TANK: variants seen among roughly 807,000 people sequenced by gnomAD.
The protein encoded by TANK is TRAF family member-associated NF-kappa-B activator.
A neutral mutation model predicts 43.6 loss-of-function variants in TANK; 15 were observed. The ratio of observed to expected loss-of-function variants is 0.34; its 90% CI spans 0.23 to 0.53. TANK has a LOEUF of 0.53. Ranked by LOEUF, TANK falls within the 20% of genes least tolerant of loss-of-function variation. TANK has a pLI of 0.94. For synonymous variants in TANK, 162 were observed against 178.2 expected, an observed-to-expected ratio of 0.91 and a Z score of 0.73; for missense variants, 417 against 498.6, an observed-to-expected ratio of 0.84 and a Z score of 1.56.
intron 4 of TANK, chr2:161,212,375 TAAG>T: frequency 1.0e-6 from 1 of 984,848 alleles, no homozygotes; most frequent in Non-Finnish European, 1.2e-6. Context: ...CACAAACTCT[TAAG>T]AAAACAAATA....
chr2:161,157,190 AC>A (rs1490749295), upstream of TANK, among the ~76,000 whole-genome samples: 2 of 152,170 alleles, frequency 1.3e-5, no homozygotes, highest in Non-Finnish European at 2.9e-5. Context: ...TTGCCTTCCA[AC>A]AAAAAAGTAC....
chr2:161,191,343 A>C (rs556928162), intron 2 of TANK, among the ~76,000 whole-genome samples: 43 of 152,134 alleles, frequency 2.8e-4, no homozygotes, highest in Non-Finnish European at 5.3e-4. Context: ...CCTCTCCCTC[A>C]CTCCCCAGGG....
chr2:161,210,514 A>G (rs1262495985), intron 4 of TANK, among the ~76,000 whole-genome samples: 1 of 151,914 alleles, frequency 6.6e-6, no homozygotes, highest in South Asian at 2.1e-4. Context: ...TTATATAACA[A>G]AATGAAACCC....
At chr2:161,194,803 A>G (rs1307134201) in intron 2 of TANK, among the ~76,000 whole-genome samples, 1 of 152,192 alleles carries the variant, frequency 6.6e-6, no homozygotes, top group Non-Finnish European at 1.5e-5. Context: ...CTTCATTTTC[A>G]CATAAAATGT....
At chr2:161,231,810 G>A (rs1574077181) in intron 7 of TANK, among the ~76,000 whole-genome samples, 1 of 152,186 alleles carries the variant, frequency 6.6e-6, no homozygotes, top group South Asian at 2.1e-4. Flanking sequence ...CATATCTGTC[G>A]TGGTGTCACT....
chr2:161,150,766 T>C (rs1165137667), intron 1 of TANK, among the ~76,000 whole-genome samples: 1 of 152,024 alleles, frequency 6.6e-6, no homozygotes, highest in African/African-American at 2.4e-5. Context: ...AATTTTTGTA[T>C]TTTTAGTAGA....
chr2:161,220,860 G>A (rs1028282967), intron 4 of TANK, among the ~76,000 whole-genome samples: 4 of 152,056 alleles, frequency 2.6e-5, no homozygotes, highest in African/African-American at 9.7e-5. Flanking sequence ...AAACATTTTT[G>A]ATTATTTTTG....
intron 2 of TANK, among the ~76,000 whole-genome samples, chr2:161,186,220 G>A (rs1685658976): frequency 6.6e-6 from 1 of 152,204 alleles, no homozygotes; most frequent in Non-Finnish European, 1.5e-5. Flanking sequence ...TCCTTCCCAT[G>A]GCCTACTAAG....
chr2:161,204,416 A>G (rs1686555691), intron 3 of TANK, among the ~76,000 whole-genome samples: 1 of 152,196 alleles, frequency 6.6e-6, no homozygotes, highest in Non-Finnish European at 1.5e-5. Context: ...CAAAGAGCAT[A>G]TTTCTAGTTT....
intron 7 of TANK, chr2:161,232,750 C>A: frequency 6.5e-7 from 1 of 1,549,958 alleles, no homozygotes; most frequent in South Asian, 1.2e-5. Context: ...ATTCATGTTT[C>A]AGTAGATGGC....
At chr2:161,171,116 T>A (rs1684921957) in intron 1 of TANK, among the ~76,000 whole-genome samples, 2 of 152,200 alleles carry the variant, frequency 1.3e-5, no homozygotes, top group African/African-American at 2.4e-5. Context: ...GTCTGAATAT[T>A]CATATTTGAG....
At chr2:161,165,100 G>A (rs572804019) in intron 1 of TANK, among the ~76,000 whole-genome samples, 102 of 116,458 alleles carry the variant, frequency 8.8e-4, no homozygotes, top group Non-Finnish European at 1.3e-3. Context: ...TGCTAACATT[G>A]ACAACAAAGT....
At chr2:161,140,743 T>C (rs1683722776) in intron 1 of TANK, among the ~76,000 whole-genome samples, 1 of 152,196 alleles carries the variant, frequency 6.6e-6, no homozygotes, top group African/African-American at 2.4e-5. Flanking sequence ...TGCTTTCACA[T>C]TTCACTGTCT....
At chr2:161,229,079 A>T (rs1687777661) in intron 6 of TANK, among the ~76,000 whole-genome samples, 2 of 152,236 alleles carry the variant, frequency 1.3e-5, no homozygotes, top group South Asian at 4.1e-4. Flanking sequence ...GGCATCCAAG[A>T]GTCATGGGAG....
At chr2:161,165,359 G>T (rs1199776428) in intron 1 of TANK, among the ~76,000 whole-genome samples, 1 of 151,946 alleles carries the variant, frequency 6.6e-6, no homozygotes, top group African/African-American at 2.4e-5. Flanking sequence ...TTTTTTAATT[G>T]CTTGAAGAAG....
intron 2 of TANK, among the ~76,000 whole-genome samples, chr2:161,195,668 G>C (rs1686113393): frequency 6.6e-6 from 1 of 152,100 alleles, no homozygotes; most frequent in African/African-American, 2.4e-5. Flanking sequence ...AAAGTATGGA[G>C]TAATATGATT....
chr2:161,232,985 C>G, intron 7 of TANK: 1 of 944,144 alleles, frequency 1.1e-6, no homozygotes, highest in East Asian at 2.7e-5. Flanking sequence ...AAGAATATTT[C>G]TTAAAATGAG....
At chr2:161,212,366 A>G (rs1444247494) in intron 4 of TANK, 1 of 984,452 alleles carries the variant, frequency 1.0e-6, no homozygotes, top group African/African-American at 1.7e-5. Flanking sequence ...TGGCTGATAC[A>G]CAAACTCTTA....
Position 161,204,710 on chromosome 2 carries a change from A to G in TANK, c.244A>G (p.Ser82Gly), listed in dbSNP as rs1480098667. 6.2e-7 allele frequency: 1 copy of G among 1,610,644 alleles called. No individual in the cohort carries two copies. The highest frequency in any genetic ancestry group is 1.7e-5 in the Admixed American group (1 of 59,336). The change falls in exon 4 of 8, where the codon AGT becomes GGT. Residue 82 changes from serine (S) to glycine (G), a missense_variant. Ser to Gly is a moderately conservative substitution (Grantham distance 56, BLOSUM62 0). Coordinates refer to ENST00000392749, the MANE Select transcript of TANK (RefSeq NM_001199135.3). ...NYGCVPLLED[S>G]ETRKNNLTLD... ...TGGCTGTGTTCCTCTGCTTGAAGAC[A>G]GTGAAACAAGAAAGAATAATTTGAC...
Sources: allele counts gnomAD v4.1 joint callset (sites outside exome capture counted in the v4.1 genomes callset), GRCh38; gene constraint gnomAD v4.1.1; transcripts MANE v1.5; gene names NCBI Gene and HGNC (gene_info 2026-07-23, HGNC 2026-07-21).